PRKCB: variants seen among roughly 807,000 people sequenced by gnomAD.
PRKCB encodes protein kinase C beta, also known as protein kinase C beta type.
Under a neutral mutation model 81.5 loss-of-function variants are expected in PRKCB, and 13 were observed. That is an observed-to-expected ratio of 0.16 (90% CI 0.10 to 0.25). The LOEUF (loss-of-function observed/expected upper bound fraction) is 0.25. Ranked by LOEUF, PRKCB falls within the 10% of genes least tolerant of loss-of-function variation. The pLI, the probability that PRKCB is intolerant of heterozygous loss-of-function variation, is 1.00. For missense variants in PRKCB, 509 were observed against 875.7 expected (o/e 0.58, Z 5.29); for synonymous variants, 335 against 321.4 (o/e 1.04, Z -0.45).
At chr16:24,199,743 T>C (rs1967928862) in intron 16 of PRKCB, among the ~76,000 whole-genome samples, 1 of 152,222 alleles carries the variant, frequency 6.6e-6, no homozygotes, top group Non-Finnish European at 1.5e-5. Context: ...CCCTGTAAGG[T>C]AGGGTTATCA....
rs917578037 is a variant in PRKCB, at chr16:23,929,085, G to A, written c.206-59423G>A. On this transcript the variant is annotated intron_variant, in intron 2 of 16. Transcript: ENST00000643927. The stretch of plus-strand genomic sequence containing the variant: ...GTTTTGTAATGGAGTTTTGGAGATG[G>A]GGAAGGGCAGACTGGCTTAAGAGGG... Among the ~76,000 whole-genome samples, 11 of 152,152 alleles carry A rather than the reference G, an allele frequency of 7.2e-5. 1 individual carries two copies. The highest frequency in any genetic ancestry group is 4.6e-4 in the Admixed American group (7 of 15,280).
At chr16:23,913,638 A>G (rs1028060580) in intron 2 of PRKCB, among the ~76,000 whole-genome samples, 2 of 152,200 alleles carry the variant, frequency 1.3e-5, no homozygotes, top group Admixed American at 6.5e-5. Context: ...CTGAACGGTG[A>G]TATCTTAGGA....
chr16:23,946,053 A>G, intron 2 of PRKCB, among the ~76,000 whole-genome samples: 1 of 152,216 alleles, frequency 6.6e-6, no homozygotes, highest in East Asian at 1.9e-4. Flanking sequence ...TCTGAAACCT[A>G]AGATTTATTT....
At chr16:23,972,722 A>T (rs984378317) in intron 2 of PRKCB, among the ~76,000 whole-genome samples, 1 of 152,198 alleles carries the variant, frequency 6.6e-6, no homozygotes, top group Non-Finnish European at 1.5e-5. Context: ...AAGGGGAAAC[A>T]TTGGGGAGAA....
At chr16:24,047,710 A>G (rs933980226) in intron 5 of PRKCB, among the ~76,000 whole-genome samples, 1 of 152,210 alleles carries the variant, frequency 6.6e-6, no homozygotes, top group African/African-American at 2.4e-5. Context: ...AACACCCACC[A>G]TACCAGTGGG....
At chr16:23,878,760 G>A (rs1422498702) in intron 2 of PRKCB, among the ~76,000 whole-genome samples, 1 of 152,216 alleles carries the variant, frequency 6.6e-6, no homozygotes, top group Non-Finnish European at 1.5e-5. Context: ...TATAACCCCT[G>A]TTATTAGCTC....
intron 2 of PRKCB, among the ~76,000 whole-genome samples, chr16:23,980,466 T>C (rs1271355946): frequency 6.6e-6 from 1 of 152,250 alleles, no homozygotes; most frequent in East Asian, 1.9e-4. Context: ...TGTGTTGTCT[T>C]ATTTGAGCTG....
intron 5 of PRKCB, among the ~76,000 whole-genome samples, chr16:24,090,101 C>T (rs1273265236): frequency 6.6e-6 from 1 of 152,110 alleles, no homozygotes; most frequent in Non-Finnish European, 1.5e-5. Context: ...ATTTTGTCCC[C>T]TATATCCCCA....
intron 2 of PRKCB, among the ~76,000 whole-genome samples, chr16:23,983,383 G>A (rs560597928): frequency 2.1e-4 from 32 of 152,212 alleles, no homozygotes; most frequent in African/African-American, 6.3e-4. Context: ...GGTTCACTTG[G>A]CCTATTGATT....
At chr16:24,179,898 A>C (rs1434331357) in intron 12 of PRKCB, among the ~76,000 whole-genome samples, 2 of 152,120 alleles carry the variant, frequency 1.3e-5, no homozygotes, top group Non-Finnish European at 2.9e-5. Context: ...TTACTGCTAC[A>C]TACTATACCT....
intron 6 of PRKCB, 64 bp downstream of exon 6, chr16:24,093,011 A>G (rs1966395618): frequency 6.6e-7 from 1 of 1,522,504 alleles, no homozygotes; most frequent in South Asian, 1.3e-5. Flanking sequence ...ACCTGAAATC[A>G]GGGAGTTCCT....
At chr16:24,125,341 T>C (rs987109827) in intron 9 of PRKCB, among the ~76,000 whole-genome samples, 4 of 152,214 alleles carry the variant, frequency 2.6e-5, no homozygotes, top group African/African-American at 9.6e-5. Flanking sequence ...TGTGACTTCC[T>C]TTCTTCTTTC....
At chr16:24,189,104 C>A (rs1432538037) in intron 15 of PRKCB, among the ~76,000 whole-genome samples, 2 of 152,084 alleles carry the variant, frequency 1.3e-5, no homozygotes, top group African/African-American at 2.4e-5. Context: ...AGCCAGGCCA[C>A]AAAAATTCCT....
At chr16:23,937,316 G>A (rs971499306) in intron 2 of PRKCB, among the ~76,000 whole-genome samples, 2 of 152,194 alleles carry the variant, frequency 1.3e-5, no homozygotes, top group Non-Finnish European at 1.5e-5. Context: ...GAACAATGCC[G>A]TGAGAGGACA....
intron 5 of PRKCB, among the ~76,000 whole-genome samples, chr16:24,041,628 C>G (rs1413204464): frequency 6.6e-6 from 1 of 151,988 alleles, no homozygotes; most frequent in Non-Finnish European, 1.5e-5. Flanking sequence ...TCCCTGACAG[C>G]CTTAGGTACT....
chr16:23,909,658 G>A (rs901573457), intron 2 of PRKCB, among the ~76,000 whole-genome samples: 5 of 151,914 alleles, frequency 3.3e-5, no homozygotes, highest in Admixed American at 1.3e-4. Flanking sequence ...CTCTATGTCC[G>A]TGCACACACA....
intron 2 of PRKCB, among the ~76,000 whole-genome samples, chr16:23,923,482 C>G (rs113659444): frequency 0.021 from 3,195 of 152,224 alleles, 69 homozygotes; most frequent in South Asian, 0.055. Flanking sequence ...CCACCCTTAT[C>G]TACTCTTGGA....
chr16:24,089,571 C>A (rs1421293817), intron 5 of PRKCB, among the ~76,000 whole-genome samples: 1 of 152,080 alleles, frequency 6.6e-6, no homozygotes, highest in Non-Finnish European at 1.5e-5. Context: ...GAGTTTGAAA[C>A]CAGTCTGGGC....
At chr16:24,213,774 T>C (rs1406179607) in intron 16 of PRKCB, among the ~76,000 whole-genome samples, 1 of 152,230 alleles carries the variant, frequency 6.6e-6, no homozygotes, top group African/African-American at 2.4e-5. Context: ...CATGTACAGG[T>C]GTGAGCACCC....
Sources: allele counts gnomAD v4.1 joint callset (sites outside exome capture counted in the v4.1 genomes callset), GRCh38; gene constraint gnomAD v4.1.1; transcripts MANE v1.5; gene names NCBI Gene and HGNC (gene_info 2026-07-23, HGNC 2026-07-21).